GMDS: variants seen among roughly 807,000 people sequenced by gnomAD.
GMDS encodes GDP-mannose 4,6-dehydratase, also known as GDP-mannose 4,6 dehydratase.
In GMDS, 20 loss-of-function variants were observed where a neutral mutation model predicts 49.9. The observed-to-expected ratio is 0.40, with a 90% confidence interval of 0.28 to 0.58. GMDS has a LOEUF of 0.58. Ranked by LOEUF, GMDS falls within the 20% of genes least tolerant of loss-of-function variation. The probability of loss-of-function intolerance (pLI) is 0.42; values close to 1 mark genes in which losing one functional copy is unlikely to be tolerated. For missense variants in GMDS, 362 were observed against 481.4 expected (o/e 0.75, Z 2.32); for synonymous variants, 177 against 178.6 (o/e 0.99, Z 0.07).
chr6:1,638,846 C>T (rs1471144015), intron 9 of GMDS, among the ~76,000 whole-genome samples: 1 of 152,026 alleles, frequency 6.6e-6, no homozygotes, highest in African/African-American at 2.4e-5. Flanking sequence ...GTTTTCAGGT[C>T]AATGGGACCT....
chr6:1,654,886 C>T (rs576487916), intron 9 of GMDS, among the ~76,000 whole-genome samples: 1 of 152,022 alleles, frequency 6.6e-6, no homozygotes, highest in Admixed American at 6.6e-5. Context: ...CATGGTGAAA[C>T]CCCATCTCTA....
At chr6:2,006,442 G>C (rs1387991722) in intron 4 of GMDS, among the ~76,000 whole-genome samples, 4 of 151,980 alleles carry the variant, frequency 2.6e-5, no homozygotes, top group Non-Finnish European at 5.9e-5. Context: ...AAAGGAAAAA[G>C]AAAGATAAGA....
intron 7 of GMDS, among the ~76,000 whole-genome samples, chr6:1,908,229 A>T (rs1446256070): frequency 1.3e-5 from 2 of 152,220 alleles, no homozygotes; most frequent in Admixed American, 6.5e-5. Flanking sequence ...AGATTTCATC[A>T]TGCTACTCAG....
intron 1 of GMDS, among the ~76,000 whole-genome samples, chr6:2,137,251 T>C (rs1490493851): frequency 5.9e-5 from 9 of 152,170 alleles, no homozygotes; most frequent in African/African-American, 2.2e-4. Context: ...AATTACCTTG[T>C]CCTTTCCTGA....
intron 1 of GMDS, among the ~76,000 whole-genome samples, chr6:2,189,554 A>G (rs1778925778): frequency 2.0e-5 from 3 of 152,192 alleles, no homozygotes; most frequent in South Asian, 4.1e-4. Flanking sequence ...GAATCCTATG[A>G]TTTAGAAGCC....
chr6:2,056,173 T>C (rs1770766534), intron 4 of GMDS, among the ~76,000 whole-genome samples: 1 of 152,156 alleles, frequency 6.6e-6, no homozygotes, highest in African/African-American at 2.4e-5. Flanking sequence ...CAAGTACATC[T>C]TATTAAATAA....
intron 7 of GMDS, among the ~76,000 whole-genome samples, chr6:1,870,802 T>C (rs1200499050): frequency 6.6e-6 from 1 of 152,148 alleles, no homozygotes; most frequent in African/African-American, 2.4e-5. Flanking sequence ...AGAGTAAAGT[T>C]TTATTTCTTC....
chr6:1,871,559 G>C (rs909820759), intron 7 of GMDS, among the ~76,000 whole-genome samples: 3 of 152,032 alleles, frequency 2.0e-5, no homozygotes, highest in Non-Finnish European at 4.4e-5. Flanking sequence ...ATCCTTCTTT[G>C]TTACAGAAAT....
chr6:1,923,090 A>G (rs1185077109), intron 7 of GMDS, among the ~76,000 whole-genome samples: 2 of 152,126 alleles, frequency 1.3e-5, no homozygotes, highest in Admixed American at 6.5e-5. Flanking sequence ...GCCTTCCACC[A>G]TGACTGTGAG....
chr6:1,659,659 C>A (rs183836515), intron 9 of GMDS, among the ~76,000 whole-genome samples: 2 of 152,170 alleles, frequency 1.3e-5, no homozygotes, highest in East Asian at 3.9e-4. Flanking sequence ...TCTCTCACTG[C>A]CCCCCTGCCC....
At chr6:1,989,700 T>C (rs954469228) in intron 4 of GMDS, among the ~76,000 whole-genome samples, 1 of 152,174 alleles carries the variant, frequency 6.6e-6, no homozygotes, top group Non-Finnish European at 1.5e-5. Flanking sequence ...CAAACACTCC[T>C]CTCTGATGCT....
At chr6:1,898,717 T>TG (rs983600399) in intron 7 of GMDS, among the ~76,000 whole-genome samples, 1 of 152,126 alleles carries the variant, frequency 6.6e-6, no homozygotes, top group African/African-American at 2.4e-5. Flanking sequence ...CAATGTAATA[T>TG]GGGGGATCAG....
At chr6:1,657,928 G>C (rs1763940767) in intron 9 of GMDS, among the ~76,000 whole-genome samples, 2 of 147,144 alleles carry the variant, frequency 1.4e-5, no homozygotes, top group African/African-American at 2.5e-5. Flanking sequence ...CCTTTTTAAA[G>C]TGAAGTGAGC....
At chr6:2,016,075 A>T (rs534358462) in intron 4 of GMDS, among the ~76,000 whole-genome samples, 4 of 114,790 alleles carry the variant, frequency 3.5e-5, no homozygotes, top group East Asian at 2.2e-4. Flanking sequence ...TCTAAAAAAA[A>T]AAAAAATAAA....
At chr6:1,996,785 G>T (rs1275967862) in intron 4 of GMDS, among the ~76,000 whole-genome samples, 1 of 152,056 alleles carries the variant, frequency 6.6e-6, no homozygotes, top group African/African-American at 2.4e-5. Context: ...GGTATAAGGG[G>T]AGCTAAAAAA....
chr6:2,232,584 T>C (rs541748710), intron 1 of GMDS, among the ~76,000 whole-genome samples: 1 of 152,296 alleles, frequency 6.6e-6, no homozygotes, highest in Non-Finnish European at 1.5e-5. Context: ...TTCGTTCAGG[T>C]AGGAAGCCAC....
At position 2,115,791 on chromosome 6, in the gene GMDS, C is replaced by T. The variant is rs779502009; in HGVS notation, c.325G>A (p.Gly109Arg). Residue 109 changes from glycine (G) to arginine (R), a missense_variant, in exon 4 of 11, where the codon GGA (glycine) becomes AGA (arginine). Physicochemically the swap from Gly to Arg is moderately radical, Grantham distance 125. Coordinates refer to ENST00000380815, the MANE Select transcript of GMDS (RefSeq NM_001500.4). ...CTTACTTTGACGTGGCTCTGGGCTC[C>T]AAGGTTGTAGATCTCTGTGGGCTTT... ...EVKPTEIYNLGAQSHVKISFD... is the reference protein window; with the variant it reads ...EVKPTEIYNLRAQSHVKISFD... 1 of 1,593,598 alleles carries T rather than the reference C, an allele frequency of 6.3e-7. No individual in the cohort carries two copies. The highest frequency in any genetic ancestry group is 1.1e-5 in the South Asian group (1 of 90,566).
At chr6:1,949,206 T>A (rs1276448507) in intron 6 of GMDS, 1 of 173,090 alleles carries the variant, frequency 5.8e-6, no homozygotes, top group African/African-American at 2.4e-5. Context: ...GTTTTCCCCA[T>A]CACCTTCACA....
chr6:1,971,875 C>T (rs1045260832), intron 4 of GMDS, among the ~76,000 whole-genome samples: 3 of 152,230 alleles, frequency 2.0e-5, no homozygotes, highest in Admixed American at 1.3e-4. Flanking sequence ...GGGCTCTGTT[C>T]TCACAGCACC....
Sources: gnomAD v4.1 joint callset for allele counts (sites outside exome capture counted in the v4.1 genomes callset) on GRCh38, gnomAD v4.1.1 for gene constraint, MANE v1.5 for transcripts, NCBI Gene and HGNC (gene_info 2026-07-23, HGNC 2026-07-21) for gene names.